Variants in VEPH1 observed in about 807,000 individuals in gnomAD.
VEPH1 encodes the protein ventricular zone expressed PH domain containing 1.
Under a neutral mutation model 85.2 loss-of-function variants are expected in VEPH1, and 80 were observed. The observed-to-expected ratio is 0.94, with a 90% CI of 0.78 to 1.13. VEPH1 has a LOEUF of 1.13. VEPH1 is among the 50% of genes most tolerant of loss of function. The pLI is 0.00. For missense variants in VEPH1, 955 were observed against 980.5 expected, an observed-to-expected ratio of 0.97 and a Z score of 0.35; for synonymous variants, 297 against 348.0, an observed-to-expected ratio of 0.85 and a Z score of 1.63.
chr3:157,500,504 A>AT (rs1740018198), intron 1 of VEPH1, among the ~76,000 whole-genome samples: 1 of 152,192 alleles, frequency 6.6e-6, no homozygotes, highest in African/African-American at 2.4e-5. Flanking sequence ...GATCAATCAT[A>AT]TTTTTATGCC....
intron 9 of VEPH1, among the ~76,000 whole-genome samples, chr3:157,359,645 T>A (rs1009924378): frequency 1.3e-5 from 2 of 152,216 alleles, no homozygotes; most frequent in Non-Finnish European, 2.9e-5. Flanking sequence ...GATGGCTGAC[T>A]GGAGTTATGA....
chr3:157,396,075 T>C (rs2108948917), intron 6 of VEPH1, among the ~76,000 whole-genome samples: 1 of 152,332 alleles, frequency 6.6e-6, no homozygotes, highest in South Asian at 2.1e-4. Context: ...TTCTTTCTGA[T>C]GCTCTCTCTT....
intron 7 of VEPH1, among the ~76,000 whole-genome samples, chr3:157,366,764 AAAC>A (rs1056205216): frequency 6.6e-6 from 1 of 152,066 alleles, no homozygotes; most frequent in Admixed American, 6.5e-5. Context: ...CAACAAAAAC[AAAC>A]AACAACAACA....
chr3:157,270,043 C>G (rs1714337542), intron 12 of VEPH1, among the ~76,000 whole-genome samples: 1 of 151,678 alleles, frequency 6.6e-6, no homozygotes. Flanking sequence ...GAGTTGAGAC[C>G]AGGAGTTTGT....
intron 9 of VEPH1, among the ~76,000 whole-genome samples, chr3:157,354,192 C>A (rs1725180146): frequency 6.6e-6 from 1 of 151,894 alleles, no homozygotes. Context: ...AATGGGAATT[C>A]TCTATACTTT....
intron 13 of VEPH1, among the ~76,000 whole-genome samples, chr3:157,264,895 T>TTATTG (rs1425092340): frequency 7.9e-5 from 12 of 152,198 alleles, no homozygotes; most frequent in African/African-American, 2.9e-4. Flanking sequence ...TAACTTTGCA[T>TTATTG]TATTGATTGC....
chr3:157,485,805 AAGAC>A (rs1481615500), intron 2 of VEPH1, among the ~76,000 whole-genome samples: 1 of 151,974 alleles, frequency 6.6e-6, no homozygotes, highest in African/African-American at 2.4e-5. Flanking sequence ...TAAAAGTAAA[AAGAC>A]AGACAAAGAA....
chr3:157,424,430 G>A (rs1407346021), intron 5 of VEPH1, among the ~76,000 whole-genome samples: 6 of 152,204 alleles, frequency 3.9e-5, no homozygotes, highest in Non-Finnish European at 7.3e-5. Context: ...CTGTGGACGT[G>A]ACTTTGGAAC....
chr3:157,433,277 T>G (rs1577643305), intron 4 of VEPH1, among the ~76,000 whole-genome samples: 1 of 152,196 alleles, frequency 6.6e-6, no homozygotes, highest in African/African-American at 2.4e-5. Context: ...ATAGAGTCAC[T>G]GTCCACGGGT....
At chr3:157,410,127 A>C (rs1000558727) in intron 6 of VEPH1, among the ~76,000 whole-genome samples, 5 of 152,148 alleles carry the variant, frequency 3.3e-5, no homozygotes, top group Non-Finnish European at 5.9e-5. Context: ...AACAGACAGG[A>C]CCACTTTGGT....
At chr3:157,423,505 T>C (rs929766459) in intron 5 of VEPH1, among the ~76,000 whole-genome samples, 2 of 152,204 alleles carry the variant, frequency 1.3e-5, no homozygotes, top group African/African-American at 4.8e-5. Flanking sequence ...AAGCTTCCTG[T>C]GAATTCTGCT....
At chr3:157,293,653 G>A (rs183507732) in intron 11 of VEPH1, among the ~76,000 whole-genome samples, 102 of 152,250 alleles carry the variant, frequency 6.7e-4, no homozygotes, top group Admixed American at 5.6e-3. Context: ...CTGACTACAG[G>A]ATATTGGCAG....
chr3:157,260,690 G>GTT lies in VEPH1; in HGVS notation c.*442_*443dup. On this transcript the variant is annotated 3_prime_UTR_variant, in exon 14 of 14. Coordinates refer to ENST00000362010, the MANE Select transcript of VEPH1 (RefSeq NM_001167912.2). ...GTACATTAGTTCAACGTTTCTAAAGGTTTTTTTTTTTAAAGTTTTCTTTTA... is the reference window on the plus strand; with the variant it reads ...GTACATTAGTTCAACGTTTCTAAAGGTTTTTTTTTTTTTAAAGTTTTCTTTTA... The GTT allele has an allele frequency of 1.3e-5, 2 of 149,212 alleles. No homozygotes were observed. The highest frequency in any genetic ancestry group is 3.0e-5 in the Non-Finnish European group (2 of 67,662). The allele number at this position is 149,212 out of a possible 1,614,324, so 9.2% of individuals were successfully genotyped here.
chr3:157,444,780 A>AT (rs957520540), intron 4 of VEPH1, among the ~76,000 whole-genome samples: 4 of 152,222 alleles, frequency 2.6e-5, no homozygotes, highest in Admixed American at 6.5e-5. Flanking sequence ...AAAACTTTTA[A>AT]TTTTTTTAAG....
Position 157,363,404 on chromosome 3 carries a change from A to G in VEPH1, c.1695T>C (p.Ile565=). 6 of 1,610,522 alleles carry G rather than the reference A, an allele frequency of 3.7e-6. No individual in the cohort carries two copies. The highest frequency in any genetic ancestry group is 5.1e-6 in the Non-Finnish European group (6 of 1,179,224). ...LSKVKAYAME[I]GKKIPVPDQC... ...GATCAGGGACTGGAATCTTCTTTCCAATTTCCATGGCATATGCTTTCACTT... is the reference window on the plus strand; with the variant it reads ...GATCAGGGACTGGAATCTTCTTTCCGATTTCCATGGCATATGCTTTCACTT... The change falls in exon 9 of 14, where the codon ATT becomes ATC. Residue 565 remains isoleucine, a synonymous_variant. Transcript: ENST00000362010.
intron 6 of VEPH1, among the ~76,000 whole-genome samples, chr3:157,389,666 GATA>G (rs1206412417): frequency 6.6e-6 from 1 of 151,704 alleles, no homozygotes; most frequent in Non-Finnish European, 1.5e-5. Flanking sequence ...TAGATAGATA[GATA>G]GATAGATAGA....
At chr3:157,293,558 CTTTAA>C (rs765667927) in intron 11 of VEPH1, among the ~76,000 whole-genome samples, 2 of 152,060 alleles carry the variant, frequency 1.3e-5, no homozygotes, top group Non-Finnish European at 2.9e-5. Context: ...CTGAAGAATA[CTTTAA>C]TTTAAGAACA....
intron 4 of VEPH1, among the ~76,000 whole-genome samples, chr3:157,447,083 A>C (rs1042690679): frequency 4.6e-5 from 7 of 152,368 alleles, no homozygotes; most frequent in African/African-American, 1.7e-4. Flanking sequence ...TTTTCAGTGG[A>C]TTGAAACTAA....
At chr3:157,486,693 T>A (rs185390253) in intron 2 of VEPH1, among the ~76,000 whole-genome samples, 1 of 152,172 alleles carries the variant, frequency 6.6e-6, no homozygotes, top group Non-Finnish European at 1.5e-5. Context: ...AATATATTAA[T>A]GTGAAAAGCT....
Sources: gnomAD v4.1 joint callset for allele counts (sites outside exome capture counted in the v4.1 genomes callset) on GRCh38, gnomAD v4.1.1 for gene constraint, MANE v1.5 for transcripts, NCBI Gene and HGNC (gene_info 2026-07-23, HGNC 2026-07-21) for gene names.